LRIG2: variants seen among roughly 807,000 people sequenced by gnomAD.
The protein encoded by LRIG2 is leucine rich repeats and immunoglobulin like domains 2, also known as leucine-rich repeats and immunoglobulin-like domains protein 2.
A neutral mutation model predicts 107.8 loss-of-function variants in LRIG2; 93 were observed. The ratio of observed to expected loss-of-function variants is 0.86; its 90% CI spans 0.73 to 1.03. The LOEUF (loss-of-function observed/expected upper bound fraction) is 1.03. Ranked by LOEUF, LRIG2 falls within the 50% of genes least tolerant of loss-of-function variation. The pLI, the probability that LRIG2 is intolerant of heterozygous loss-of-function variation, is 0.00. For synonymous variants in LRIG2, 471 were observed against 470.6 expected (o/e 1.00, Z -0.01); for missense variants, 1,226 against 1,296.0 (o/e 0.95, Z 0.83).
At position 113,073,571 on chromosome 1, in the gene LRIG2, C is replaced by T; in HGVS notation, c.165C>T (p.Asp55=). Residue 55 remains aspartate (D), a synonymous_variant, in exon 1 of 18, where the codon GAC becomes GAT. Coordinates refer to ENST00000361127, the MANE Select transcript of LRIG2 (RefSeq NM_014813.3). ...APCSCRIPLL[D]CSRRKLPAPS... The stretch of plus-strand genomic sequence containing the variant: ...GCTCCTGCCGCATTCCTCTCCTGGA[C>T]TGCAGTCGCAGGAAATTGCCCGCAC... 6.2e-7 allele frequency: 1 copy of T among 1,614,062 alleles called. No homozygotes were observed. The highest frequency in any genetic ancestry group is 8.5e-7 in the Non-Finnish European group (1 of 1,180,028).
At chr1:113,088,124 T>A (rs1231420572) in intron 1 of LRIG2, among the ~76,000 whole-genome samples, 1 of 152,242 alleles carries the variant, frequency 6.6e-6, no homozygotes, top group East Asian at 1.9e-4. Context: ...ATATTTCAGT[T>A]CACCTTTAGT....
At chr1:113,083,841 C>T (rs1264925086) in intron 1 of LRIG2, among the ~76,000 whole-genome samples, 1 of 102,292 alleles carries the variant, frequency 9.8e-6, no homozygotes, top group Non-Finnish European at 1.8e-5. Context: ...CATCACATGC[C>T]AGGGCCTGTT....
At chr1:113,090,172 C>T (rs1728229) in intron 1 of LRIG2, among the ~76,000 whole-genome samples, 139,189 of 152,184 alleles carry the variant, frequency 0.91, 64,521 homozygotes, top group Non-Finnish European at 0.98. Flanking sequence ...AATGGAATGA[C>T]CTAAGATGTA....
rs1655573221 is a variant in LRIG2, at chr1:113,128,481, T to C, written c.*4380T>C. 6.6e-6 allele frequency: 1 copy of C among 152,246 alleles called. No homozygotes were observed. The highest frequency in any genetic ancestry group is 6.5e-5 in the Admixed American group (1 of 15,284). 9.4% of individuals were successfully genotyped at this position (152,246 alleles called of 1,614,324 possible). ...AATGAGGACATTTTTCTAGATGCTG[T>C]AAAGCCCTTTCCAGCTGTAACATTC... On this transcript the variant is annotated 3_prime_UTR_variant, in exon 18 of 18. Coordinates refer to ENST00000361127, the MANE Select transcript of LRIG2 (RefSeq NM_014813.3).
At chr1:113,098,107 T>G (rs1359300318) in intron 8 of LRIG2, among the ~76,000 whole-genome samples, 1 of 152,232 alleles carries the variant, frequency 6.6e-6, no homozygotes, top group Non-Finnish European at 1.5e-5. Context: ...GCATTTCCTC[T>G]GAGAATGGAA....
intron 11 of LRIG2, among the ~76,000 whole-genome samples, chr1:113,101,016 C>T (rs985393771): frequency 2.0e-5 from 3 of 152,058 alleles, no homozygotes; most frequent in South Asian, 2.1e-4. Flanking sequence ...TTACTGGTTT[C>T]GAGATTTCCC....
rs1317872451 is a variant in LRIG2, at chr1:113,114,632, G to A, written c.2286G>A (p.Gly762=). ...IIVDAGLEDA[G]KYTCIMSNTL... is the part of the protein sequence containing the mutation. ...TAGATGCCGGGCTAGAAGATGCTGG[G>A]AAATATACCTGCATTATGTCTAACA... The change falls in exon 15 of 18, where the codon GGG becomes GGA. Residue 762 remains glycine (G), a synonymous_variant. Transcript: ENST00000361127. 6.2e-7 allele frequency: 1 copy of A among 1,614,086 alleles called. No homozygotes were observed. Among genetic ancestry groups the A allele is most frequent in the Admixed American group, 1.7e-5 (1 of 60,018 alleles).
intron 1 of LRIG2, among the ~76,000 whole-genome samples, chr1:113,084,629 C>CAGAT (rs1653464732): frequency 6.6e-6 from 1 of 152,126 alleles, no homozygotes; most frequent in Non-Finnish European, 1.5e-5. Context: ...CCAATTAAAA[C>CAGAT]AAAATCAGCA....
Position 113,073,544 on chromosome 1 carries a change from C to T in LRIG2, c.138C>T (p.Pro46=). 1 of 1,614,158 alleles carries T rather than the reference C, an allele frequency of 6.2e-7. No homozygotes were observed. Among genetic ancestry groups the T allele is most frequent in the Non-Finnish European group, 8.5e-7 (1 of 1,180,030 alleles). The change falls in exon 1 of 18, where the codon CCC becomes CCT. Residue 46 remains proline (P), a synonymous_variant. Coordinates refer to ENST00000361127, the MANE Select transcript of LRIG2 (RefSeq NM_014813.3). The stretch of plus-strand genomic sequence containing the variant: ...CCGGAGCAGGTCTCTGCCCCGCGCC[C>T]TGCTCCTGCCGCATTCCTCTCCTGG... ...PAAGAGLCPA[P]CSCRIPLLDC...
chr1:113,103,480 C>T (rs183185429), intron 11 of LRIG2: 116 of 152,402 alleles, frequency 7.6e-4, no homozygotes, highest in African/African-American at 2.5e-3. Context: ...CTCACTGAGT[C>T]GAACCCAGTC....
chr1:113,106,227 C>CA (rs10581084), intron 11 of LRIG2, among the ~76,000 whole-genome samples: 4 of 148,086 alleles, frequency 2.7e-5, no homozygotes, highest in African/African-American at 9.9e-5. Flanking sequence ...GACTCTGTCT[C>CA]AAAAAAAAAA....
chr1:113,107,561 CAA>C, intron 11 of LRIG2, 31 bp from the exon 12 acceptor site: 2 of 1,592,848 alleles, frequency 1.3e-6, no homozygotes, highest in East Asian at 2.2e-5. Flanking sequence ...AAAAGTAAAA[CAA>C]AGGATGCTTT....
chr1:113,110,207 C>G (rs1157304170), intron 12 of LRIG2, 35 bp from the exon 13 acceptor site: 16 of 1,416,472 alleles, frequency 1.1e-5, no homozygotes, highest in Non-Finnish European at 1.5e-5. Context: ...AAATAAATAA[C>G]TGACTTGGCT....
intron 1 of LRIG2, among the ~76,000 whole-genome samples, chr1:113,089,640 G>C (rs1339725334): frequency 6.7e-6 from 1 of 148,880 alleles, no homozygotes; most frequent in South Asian, 2.1e-4. Flanking sequence ...ACATAATTTG[G>C]GGTGAGATTA....
intron 17 of LRIG2, among the ~76,000 whole-genome samples, chr1:113,120,053 C>T (rs1237159151): frequency 6.6e-6 from 1 of 151,610 alleles, no homozygotes; most frequent in Non-Finnish European, 1.5e-5. Context: ...CATGTGATTG[C>T]CTGCCTTGGC....
chr1:113,099,296 G>A (rs1321632666), intron 9 of LRIG2, among the ~76,000 whole-genome samples: 2 of 146,694 alleles, frequency 1.4e-5, no homozygotes, highest in African/African-American at 5.1e-5. Context: ...GGAGTGCTGT[G>A]GTGCAATCAC....
At chr1:113,116,504 T>A in intron 16 of LRIG2, 68 bp downstream of exon 16, 2 of 1,409,592 alleles carry the variant, frequency 1.4e-6, no homozygotes, top group Non-Finnish European at 1.9e-6. Context: ...CAGTGTGTAG[T>A]TTCTCCATTA....
At chr1:113,080,193 G>A (rs532015411) in intron 1 of LRIG2, among the ~76,000 whole-genome samples, 2 of 148,976 alleles carry the variant, frequency 1.3e-5, no homozygotes, top group South Asian at 4.3e-4. Flanking sequence ...GCTAATTTTT[G>A]TATTTTTAGT....
intron 11 of LRIG2, among the ~76,000 whole-genome samples, chr1:113,105,950 C>T (rs868043611): frequency 2.6e-5 from 4 of 152,174 alleles, no homozygotes; most frequent in Admixed American, 6.5e-5. Context: ...TGAAACTTTG[C>T]CAGGCATGGT....
Sources: allele counts gnomAD v4.1 joint callset (sites outside exome capture counted in the v4.1 genomes callset), GRCh38; gene constraint gnomAD v4.1.1; transcripts MANE v1.5; gene names NCBI Gene and HGNC (gene_info 2026-07-23, HGNC 2026-07-21).